DLC1: variants seen among roughly 807,000 people sequenced by gnomAD.
The protein encoded by DLC1 is DLC1 Rho GTPase activating protein, also known as rho GTPase-activating protein 7.
Under a neutral mutation model 140.3 loss-of-function variants are expected in DLC1, and 54 were observed. That is an observed-to-expected ratio of 0.38 (90% CI 0.31 to 0.48). The LOEUF is 0.48. Among genes scored for constraint, DLC1 ranks in the 20% least tolerant of loss-of-function variants. The pLI, the probability that DLC1 is intolerant of heterozygous loss-of-function variation, is 0.96. For synonymous variants in DLC1, 986 were observed against 728.1 expected, an observed-to-expected ratio of 1.35 and a Z score of -5.70; for missense variants, 2,536 against 1,907.0, an observed-to-expected ratio of 1.33 and a Z score of -6.14.
chr8:13,197,816 G>T, intron 5 of DLC1, among the ~76,000 whole-genome samples: 1 of 152,172 alleles, frequency 6.6e-6, no homozygotes, highest in East Asian at 1.9e-4. Flanking sequence ...AAACTAGTCT[G>T]ATGAGACTTC....
rs1046818972 is a variant in DLC1, at chr8:13,095,463, T to A, written c.3168-218A>T. The A allele has an allele frequency of 1.0e-5, 6 of 581,612 alleles. No individual in the cohort carries two copies. The East Asian group carries it at 1.7e-4, about 17-fold the overall frequency. 36.0% of individuals were successfully genotyped at this position (581,612 alleles called of 1,614,324 possible). On this transcript the variant is annotated intron_variant, in intron 10 of 17. Transcript: ENST00000276297. ...CTTTTGTGCTCAGTACCTACTGTAT[T>A]GGCCTGTGCAGATAAAGAACATTCC...
intron 5 of DLC1, among the ~76,000 whole-genome samples, chr8:13,162,947 G>C (rs2116883339): frequency 6.6e-6 from 1 of 152,288 alleles, no homozygotes; most frequent in East Asian, 1.9e-4. Context: ...AATGGGGCTT[G>C]AGGATTCTTA....
At chr8:13,268,852 C>T (rs1018341474) in intron 5 of DLC1, among the ~76,000 whole-genome samples, 1 of 151,434 alleles carries the variant, frequency 6.6e-6, no homozygotes, top group Admixed American at 6.6e-5. Flanking sequence ...TGTTCTACCC[C>T]TCCCATCTGT....
chr8:13,147,623 C>G (rs890103051), intron 5 of DLC1, among the ~76,000 whole-genome samples: 10 of 152,098 alleles, frequency 6.6e-5, no homozygotes, highest in Non-Finnish European at 1.0e-4. Flanking sequence ...CCAGCATGCT[C>G]TGAGCTTGAG....
chr8:13,522,107 C>A (rs1802783614), intron 1 of DLC1, among the ~76,000 whole-genome samples: 1 of 152,110 alleles, frequency 6.6e-6, no homozygotes, highest in South Asian at 2.1e-4. Flanking sequence ...CCTACGACTT[C>A]CACCCGCTCC....
intron 2 of DLC1, among the ~76,000 whole-genome samples, chr8:13,476,659 T>C (rs1328707621): frequency 1.3e-5 from 2 of 152,058 alleles, no homozygotes; most frequent in Admixed American, 1.3e-4. Context: ...GTTATGAAAG[T>C]TTTTCTTATA....
intron 5 of DLC1, among the ~76,000 whole-genome samples, chr8:13,279,037 C>G (rs1172509602): frequency 6.6e-6 from 1 of 152,126 alleles, no homozygotes; most frequent in Non-Finnish European, 1.5e-5. Flanking sequence ...AATTAATGAC[C>G]ATAGTAACGA....
At chr8:13,233,260 A>G (rs1257727477) in intron 5 of DLC1, among the ~76,000 whole-genome samples, 4 of 139,550 alleles carry the variant, frequency 2.9e-5, no homozygotes, top group Non-Finnish European at 6.1e-5. Context: ...ATGCCACTAC[A>G]CTCCAGCCTG....
At chr8:13,298,708 C>A (rs908579234) in intron 5 of DLC1, among the ~76,000 whole-genome samples, 3 of 152,058 alleles carry the variant, frequency 2.0e-5, no homozygotes, top group Non-Finnish European at 4.4e-5. Flanking sequence ...ATTGTTGGAT[C>A]CAATGAAGCA....
intron 1 of DLC1, among the ~76,000 whole-genome samples, chr8:13,577,590 A>T (rs1804888820): frequency 6.6e-6 from 1 of 152,182 alleles, no homozygotes; most frequent in South Asian, 2.1e-4. Context: ...AGTACATGCT[A>T]AATTAATTTA....
intron 5 of DLC1, among the ~76,000 whole-genome samples, chr8:13,257,142 G>A (rs774590544): frequency 5.9e-5 from 9 of 151,940 alleles, no homozygotes; most frequent in Admixed American, 2.0e-4. Context: ...GTCCATGGTG[G>A]TCATGACTTG....
intron 5 of DLC1, among the ~76,000 whole-genome samples, chr8:13,271,867 A>C (rs1025566508): frequency 5.3e-5 from 8 of 152,106 alleles, no homozygotes; most frequent in Non-Finnish European, 1.2e-4. Context: ...TGGAGAGACA[A>C]GGTCTTGCTC....
At chr8:13,122,269 C>T (rs1821154128) in intron 5 of DLC1, among the ~76,000 whole-genome samples, 1 of 152,328 alleles carries the variant, frequency 6.6e-6, no homozygotes, top group Admixed American at 6.5e-5. Context: ...TGCCTATCCA[C>T]TCAACTCTTG....
intron 4 of DLC1, chr8:13,341,745 T>TA (rs1834064780): frequency 6.6e-6 from 1 of 152,294 alleles, no homozygotes; most frequent in African/African-American, 2.4e-5. Context: ...AGGTGCTTTT[T>TA]AAACATTGTG....
intron 1 of DLC1, among the ~76,000 whole-genome samples, chr8:13,576,214 G>A (rs1441852780): frequency 1.3e-5 from 2 of 152,280 alleles, no homozygotes; most frequent in East Asian, 3.9e-4. Context: ...AACCCGCATT[G>A]CTGTTCATTC....
chr8:13,137,653 G>C (rs1822674571), intron 5 of DLC1, among the ~76,000 whole-genome samples: 1 of 149,922 alleles, frequency 6.7e-6, no homozygotes, highest in Admixed American at 6.7e-5. Flanking sequence ...CCAGACTGGA[G>C]TGCAGTGGTG....
chr8:13,534,550 C>CTCTGCTTCATAAGAAGCAGAGATA (rs1803205252), intron 1 of DLC1, among the ~76,000 whole-genome samples: 1 of 152,124 alleles, frequency 6.6e-6, no homozygotes, highest in African/African-American at 2.4e-5. Context: ...TTTCCTTCTT[C>CTCTGCTTCATAAGAAGCAGAGATA]TCTGCTTCAT....
intron 4 of DLC1, among the ~76,000 whole-genome samples, chr8:13,349,708 G>A (rs1563273807): frequency 6.6e-6 from 1 of 152,224 alleles, no homozygotes; most frequent in Non-Finnish European, 1.5e-5. Context: ...GGTGTTGGGT[G>A]AGGTAAGGAG....
At chr8:13,512,253 G>A (rs138831098) in intron 1 of DLC1, among the ~76,000 whole-genome samples, 7 of 151,988 alleles carry the variant, frequency 4.6e-5, no homozygotes, top group African/African-American at 1.4e-4. Flanking sequence ...AAAAAGTATC[G>A]TGACACATTC....
Sources: allele counts gnomAD v4.1 joint callset (sites outside exome capture counted in the v4.1 genomes callset), GRCh38; gene constraint gnomAD v4.1.1; transcripts MANE v1.5; gene names NCBI Gene and HGNC (gene_info 2026-07-23, HGNC 2026-07-21).